BANK1: variants seen among roughly 807,000 people sequenced by gnomAD.
BANK1 encodes B-cell scaffold protein with ankyrin repeats.
A neutral mutation model predicts 94.5 loss-of-function variants in BANK1; 95 were observed. That is an observed-to-expected ratio of 1.00 (90% confidence interval 0.85 to 1.19). The LOEUF (loss-of-function observed/expected upper bound fraction) is 1.19, where lower values mean the gene tolerates loss of function less well. Ranked by LOEUF, BANK1 falls within the 50% of genes most tolerant of loss-of-function variation. The probability of loss-of-function intolerance (pLI) is 0.00; values close to 1 mark genes in which losing one functional copy is unlikely to be tolerated. For synonymous variants in BANK1, 334 were observed against 308.4 expected (o/e 1.08, Z -0.87); for missense variants, 987 against 932.2 (o/e 1.06, Z -0.77).
chr4:101,813,398 T>TA (rs935860697), intron 1 of BANK1, among the ~76,000 whole-genome samples: 12 of 151,938 alleles, frequency 7.9e-5, no homozygotes, highest in South Asian at 2.1e-4. Context: ...ACTTGAGAAA[T>TA]AAAAAAAATT....
intron 6 of BANK1, among the ~76,000 whole-genome samples, chr4:101,902,124 T>A (rs2148893755): frequency 6.6e-6 from 1 of 152,306 alleles, no homozygotes; most frequent in East Asian, 1.9e-4. Context: ...TGTGTCATCT[T>A]GGAAGCTGAA....
chr4:101,827,379 GAT>G (rs1044587426), intron 1 of BANK1, among the ~76,000 whole-genome samples: 2 of 151,714 alleles, frequency 1.3e-5, no homozygotes, highest in African/African-American at 4.8e-5. Flanking sequence ...AGGGAAAAAT[GAT>G]ACAAAAAATA....
chr4:101,843,167 CT>C (rs1468014192), intron 2 of BANK1, among the ~76,000 whole-genome samples: 2 of 152,150 alleles, frequency 1.3e-5, no homozygotes, highest in Admixed American at 6.5e-5. Context: ...ACAGTGTCCA[CT>C]TTTTTAATGT....
At chr4:101,958,047 C>T (rs930586414) in intron 7 of BANK1, among the ~76,000 whole-genome samples, 15 of 130,874 alleles carry the variant, frequency 1.1e-4, no homozygotes, top group Non-Finnish European at 2.4e-4. Context: ...AGGGCTTCAC[C>T]GTGTTAGCCA....
chr4:101,861,890 T>C (rs1285227752), intron 3 of BANK1, among the ~76,000 whole-genome samples: 1 of 152,098 alleles, frequency 6.6e-6, no homozygotes, highest in Admixed American at 6.5e-5. Context: ...ATAACCTTTT[T>C]CACCTTATAC....
At chr4:102,041,686 C>T (rs1008515786) in intron 10 of BANK1, among the ~76,000 whole-genome samples, 1 of 151,950 alleles carries the variant, frequency 6.6e-6, no homozygotes, top group African/African-American at 2.4e-5. Context: ...TCACAATTAC[C>T]CCACTCATAG....
chr4:102,023,615 A>G (rs1306747636), intron 8 of BANK1, among the ~76,000 whole-genome samples: 1 of 152,154 alleles, frequency 6.6e-6, no homozygotes, highest in Non-Finnish European at 1.5e-5. Context: ...CATTGGTATT[A>G]CCATTACAAC....
chr4:101,853,651 C>T (rs541245326), intron 2 of BANK1, among the ~76,000 whole-genome samples: 82 of 152,162 alleles, frequency 5.4e-4, no homozygotes, highest in Non-Finnish European at 8.8e-4. Flanking sequence ...AAGAAGCAGG[C>T]GTAATTTTAT....
At chr4:101,953,464 C>A (rs1724238654) in intron 7 of BANK1, among the ~76,000 whole-genome samples, 1 of 151,718 alleles carries the variant, frequency 6.6e-6, no homozygotes, top group Admixed American at 6.6e-5. Context: ...ATATGTAGAA[C>A]AAATTATGCT....
intron 7 of BANK1, among the ~76,000 whole-genome samples, chr4:101,951,418 T>C (rs903277242): frequency 1.3e-5 from 2 of 152,124 alleles, no homozygotes; most frequent in Non-Finnish European, 1.5e-5. Context: ...TCAAAAACTT[T>C]AGCCCAAACA....
chr4:101,998,760 C>T (rs188180445), intron 7 of BANK1, among the ~76,000 whole-genome samples: 9 of 152,210 alleles, frequency 5.9e-5, no homozygotes, highest in Non-Finnish European at 1.0e-4. Flanking sequence ...TGTGATGCCA[C>T]AAAAGCACAC....
intron 6 of BANK1, among the ~76,000 whole-genome samples, chr4:101,913,780 C>T (rs1322062109): frequency 1.3e-5 from 2 of 152,120 alleles, no homozygotes; most frequent in Non-Finnish European, 2.9e-5. Flanking sequence ...CTTCCTTTTC[C>T]TCCTCCTCCT....
intron 1 of BANK1, among the ~76,000 whole-genome samples, chr4:101,813,290 T>C (rs1232054828): frequency 6.6e-6 from 1 of 152,240 alleles, no homozygotes; most frequent in African/African-American, 2.4e-5. Context: ...AAGTCACATG[T>C]ATTTGGTTCC....
intron 6 of BANK1, among the ~76,000 whole-genome samples, chr4:101,908,215 C>T (rs187955985): frequency 6.6e-6 from 1 of 152,100 alleles, no homozygotes; most frequent in Admixed American, 6.6e-5. Flanking sequence ...GAGATATAGA[C>T]CAATGGAACG....
intron 7 of BANK1, among the ~76,000 whole-genome samples, chr4:102,001,395 A>T (rs1326134195): frequency 2.6e-5 from 4 of 152,138 alleles, no homozygotes; most frequent in Admixed American, 2.0e-4. Context: ...AGGTCAAGAG[A>T]TCCAGACCAT....
intron 5 of BANK1, among the ~76,000 whole-genome samples, chr4:101,882,206 T>G (rs1269755490): frequency 6.6e-6 from 1 of 152,124 alleles, no homozygotes; most frequent in Non-Finnish European, 1.5e-5. Context: ...ATACCTAATA[T>G]GTACCCACAG....
Position 102,073,693 on chromosome 4 carries a change from C to T in BANK1, c.2308C>T (p.Arg770Ter), listed in dbSNP as rs763596060. ...CTTTATTTTTTTTCAGCTTCCTGCT[C>T]GACCCCAAGTTGAAAAGGAATTTGG... Reference protein sequence around the residue: ...NVHFSNKLPARPQVEKEFGFC... With the variant: ...NVHFSNKLPA Residue 770 changes from arginine to a stop codon, truncating the protein, a stop_gained, in exon 16 of 17, where the codon CGA (arginine) becomes TGA (stop). Coordinates refer to ENST00000322953, the MANE Select transcript of BANK1 (RefSeq NM_017935.5). LOFTEE classifies it high-confidence loss of function. The T allele has an allele frequency of 6.8e-6, 11 of 1,610,582 alleles. No individual in the cohort carries two copies. The highest frequency in any genetic ancestry group is 3.3e-5 in the Admixed American group (2 of 59,714).
intron 11 of BANK1, among the ~76,000 whole-genome samples, chr4:102,053,871 A>G (rs1728134566): frequency 6.6e-6 from 1 of 151,820 alleles, no homozygotes; most frequent in South Asian, 2.1e-4. Context: ...TTTTTCATTC[A>G]TTACTTTATT....
chr4:101,980,573 A>C (rs1170810655), intron 7 of BANK1, among the ~76,000 whole-genome samples: 1 of 151,570 alleles, frequency 6.6e-6, no homozygotes, highest in Non-Finnish European at 1.5e-5. Context: ...GGATATTCTT[A>C]TTTATATTGT....
Sources: allele counts gnomAD v4.1 joint callset (sites outside exome capture counted in the v4.1 genomes callset), GRCh38; gene constraint gnomAD v4.1.1; transcripts MANE v1.5; gene names NCBI Gene and HGNC (gene_info 2026-07-23, HGNC 2026-07-21).